FNIP1: variants seen among roughly 807,000 people sequenced by gnomAD.
The protein encoded by FNIP1 is folliculin-interacting protein 1.
Under a neutral mutation model 124.5 loss-of-function variants are expected in FNIP1, and 40 were observed. The ratio of observed to expected loss-of-function variants is 0.32; its 90% CI spans 0.25 to 0.42. The LOEUF (loss-of-function observed/expected upper bound fraction) is 0.42, where lower values mean the gene tolerates loss of function less well. Ranked by LOEUF, FNIP1 falls within the 10% of genes least tolerant of loss-of-function variation. The pLI, the probability that FNIP1 is intolerant of heterozygous loss-of-function variation, is 1.00. For missense variants in FNIP1, 1,176 were observed against 1,403.7 expected (o/e 0.84, Z 2.59); for synonymous variants, 472 against 470.6 (o/e 1.00, Z -0.04).
chr5:131,760,954 G>A (rs887284328), intron 1 of FNIP1, among the ~76,000 whole-genome samples: 5 of 152,046 alleles, frequency 3.3e-5, no homozygotes, highest in Non-Finnish European at 7.4e-5. Context: ...AAATTACGCG[G>A]CAAGAGCCAA....
At chr5:131,693,011 A>AG (rs1290071604) in intron 11 of FNIP1, among the ~76,000 whole-genome samples, 1 of 151,774 alleles carries the variant, frequency 6.6e-6, no homozygotes, top group East Asian at 1.9e-4. Flanking sequence ...GTCTAAAAAA[A>AG]AAATAAATTT....
chr5:131,726,608 A>C (rs780733186), intron 3 of FNIP1, among the ~76,000 whole-genome samples: 3 of 152,168 alleles, frequency 2.0e-5, no homozygotes, highest in Admixed American at 6.6e-5. Flanking sequence ...CTTTTCAAAA[A>C]ACCAGCTCCT....
chr5:131,672,801 AG>A lies in FNIP1; in HGVS notation c.1642del (p.Leu548PhefsTer7). 6.2e-7 allele frequency: 1 copy of A among 1,613,650 alleles called. No individual in the cohort carries two copies. The highest frequency in any genetic ancestry group is 8.5e-7 in the Non-Finnish European group (1 of 1,179,904). On this transcript the variant is annotated frameshift_variant, in exon 14 of 18. Transcript: ENST00000510461. LOFTEE classifies it high-confidence loss of function. ...ATTTTCTAAAAGATGCGTTTCTTGA[AG>A]TTCAGAGCATCTTATAAAATAAGTA... ...FLTYFIRCSE[L>X]QETHLLENGE...
intron 2 of FNIP1, among the ~76,000 whole-genome samples, chr5:131,732,470 A>C (rs1437829479): frequency 6.6e-6 from 1 of 152,186 alleles, no homozygotes; most frequent in Admixed American, 6.5e-5. Flanking sequence ...TAGGTCTAAC[A>C]TTTAAGTCTT....
intron 2 of FNIP1, among the ~76,000 whole-genome samples, chr5:131,742,057 C>T (rs1334862141): frequency 6.6e-6 from 1 of 152,044 alleles, no homozygotes. Flanking sequence ...TTTGATAAAG[C>T]GAACAGAGTA....
chr5:131,642,191 C>T lies in FNIP1; in HGVS notation c.*2494G>A, dbSNP rs1766736457. On this transcript the variant is annotated 3_prime_UTR_variant, in exon 18 of 18. Coordinates refer to ENST00000510461, the MANE Select transcript of FNIP1 (RefSeq NM_133372.3). ...AAAAATTATTTAGAACAAGCCAAAA[C>T]TCTTTTCACATTCATCATAATGACC... is the stretch of plus-strand genomic sequence containing the variant. 1 of 152,662 alleles carries T rather than the reference C, an allele frequency of 6.6e-6. No individual in the cohort carries two copies. Among genetic ancestry groups the T allele is most frequent in the African/African-American group, 2.4e-5 (1 of 41,404 alleles). The allele number at this position is 152,662 out of a possible 1,614,324, so 9.5% of individuals were successfully genotyped here. A position where few individuals can be genotyped will look rare whatever the true frequency, so the allele number is the denominator to read the frequency against.
At chr5:131,747,890 C>T (rs987459077) in intron 1 of FNIP1, among the ~76,000 whole-genome samples, 3 of 151,884 alleles carry the variant, frequency 2.0e-5, no homozygotes, top group Non-Finnish European at 2.9e-5. Flanking sequence ...AAATACAAGG[C>T]CTCTGAGGAA....
intron 10 of FNIP1, among the ~76,000 whole-genome samples, chr5:131,699,551 G>C (rs1002607113): frequency 2.0e-5 from 3 of 151,118 alleles, no homozygotes; most frequent in African/African-American, 7.3e-5. Context: ...CTGCCACCAC[G>C]CCTGGCTAAT....
At chr5:131,686,274 C>T (rs964464079) in intron 11 of FNIP1, among the ~76,000 whole-genome samples, 2 of 152,178 alleles carry the variant, frequency 1.3e-5, no homozygotes, top group African/African-American at 4.8e-5. Context: ...TTGTGTAAGA[C>T]AAGGCTTATA....
intron 2 of FNIP1, among the ~76,000 whole-genome samples, chr5:131,743,033 C>A (rs1457626717): frequency 6.6e-6 from 1 of 151,828 alleles, no homozygotes; most frequent in Non-Finnish European, 1.5e-5. Flanking sequence ...AGTCTAGTAA[C>A]AAATACACAT....
chr5:131,646,153 C>A (rs1197077332), intron 17 of FNIP1, among the ~76,000 whole-genome samples: 4 of 152,198 alleles, frequency 2.6e-5, no homozygotes, highest in African/African-American at 9.7e-5. Flanking sequence ...GAGAACAATT[C>A]TCTCTGTATA....
intron 1 of FNIP1, 28 bp downstream of exon 1, chr5:131,796,802 C>T (rs758783570): frequency 4.8e-4 from 753 of 1,553,750 alleles, no homozygotes; most frequent in Non-Finnish European, 6.3e-4. Context: ...GCCATCGGCT[C>T]CGCGACCCCC....
At chr5:131,793,416 A>T (rs544199617) in intron 1 of FNIP1, among the ~76,000 whole-genome samples, 1 of 152,332 alleles carries the variant, frequency 6.6e-6, no homozygotes, top group South Asian at 2.1e-4. Context: ...GAGAACATAA[A>T]GCAATATTTT....
intron 11 of FNIP1, among the ~76,000 whole-genome samples, chr5:131,693,340 A>ATATATG (rs1554094492): frequency 7.8e-6 from 1 of 128,816 alleles, no homozygotes; most frequent in Non-Finnish European, 1.6e-5. Context: ...ATACATATAT[A>ATATATG]TATATATATA....
chr5:131,780,191 T>A (rs1012828590), intron 1 of FNIP1, among the ~76,000 whole-genome samples: 2 of 152,116 alleles, frequency 1.3e-5, no homozygotes, highest in African/African-American at 4.8e-5. Context: ...CAGGAAAATA[T>A]CAAATGTAGA....
intron 6 of FNIP1, among the ~76,000 whole-genome samples, chr5:131,712,842 A>C (rs1769341747): frequency 6.6e-6 from 1 of 152,202 alleles, no homozygotes; most frequent in Admixed American, 6.5e-5. Flanking sequence ...CAAAAGTCCA[A>C]ACCCTGAGTC....
At chr5:131,783,491 G>A (rs1772064515) in intron 1 of FNIP1, among the ~76,000 whole-genome samples, 1 of 151,678 alleles carries the variant, frequency 6.6e-6, no homozygotes, top group African/African-American at 2.4e-5. Flanking sequence ...ATCAATACGG[G>A]AGACTGTCCC....
chr5:131,645,493 AG>A (rs1226228854), intron 17 of FNIP1, among the ~76,000 whole-genome samples: 1 of 152,178 alleles, frequency 6.6e-6, no homozygotes, highest in African/African-American at 2.4e-5. Context: ...TCATGGTTAG[AG>A]AAATGTGAAT....
At chr5:131,744,745 T>TCCCTCTCCCTCTCCCTCTCCCTC in intron 1 of FNIP1, 55 bp from the exon 2 acceptor site, 1 of 1,421,628 alleles carries the variant, frequency 7.0e-7, no homozygotes, top group Non-Finnish European at 9.4e-7. Context: ...TTAATAAATA[T>TCCCTCTCCCTCTCCCTCTCCCTC]TCCATATACA....
Sources: allele counts gnomAD v4.1 joint callset (sites outside exome capture counted in the v4.1 genomes callset), GRCh38; gene constraint gnomAD v4.1.1; transcripts MANE v1.5; gene names NCBI Gene and HGNC (gene_info 2026-07-23, HGNC 2026-07-21).